Variants in PRKG1 observed in about 807,000 individuals in gnomAD.
PRKG1 encodes cGMP-dependent protein kinase 1.
In PRKG1, 35 loss-of-function variants were observed where a neutral mutation model predicts 88.1. That is an observed-to-expected ratio of 0.40 (90% CI 0.30 to 0.53). PRKG1 has a LOEUF of 0.53. PRKG1 is among the 20% of genes least tolerant of loss of function. The pLI is 0.59. For missense variants in PRKG1, 540 were observed against 839.8 expected, an observed-to-expected ratio of 0.64 and a Z score of 4.41; for synonymous variants, 303 against 292.5, an observed-to-expected ratio of 1.04 and a Z score of -0.37.
intron 5 of PRKG1, among the ~76,000 whole-genome samples, chr10:52,046,387 C>T (rs1229066538): frequency 6.6e-6 from 1 of 152,048 alleles, no homozygotes; most frequent in African/African-American, 2.4e-5. Flanking sequence ...CCTTCTTCCC[C>T]ATCCAGTGAG....
chr10:51,158,086 C>T (rs539590480), intron 2 of PRKG1, among the ~76,000 whole-genome samples: 1 of 151,942 alleles, frequency 6.6e-6, no homozygotes, highest in East Asian at 1.9e-4. Context: ...ACTCATCCTA[C>T]AATCCTACAG....
chr10:51,989,402 G>T (rs1434615268), intron 5 of PRKG1, among the ~76,000 whole-genome samples: 1 of 132,956 alleles, frequency 7.5e-6, no homozygotes, highest in Non-Finnish European at 1.7e-5. Context: ...GACTGGAAGG[G>T]ACGGATGAGG....
At chr10:51,361,572 A>G (rs1276380654) in intron 2 of PRKG1, among the ~76,000 whole-genome samples, 3 of 151,902 alleles carry the variant, frequency 2.0e-5, no homozygotes, top group Admixed American at 6.6e-5. Context: ...TGAAAAATTT[A>G]AGAGGTTTTT....
At chr10:51,781,619 C>G (rs2132563541) in intron 3 of PRKG1, among the ~76,000 whole-genome samples, 1 of 152,178 alleles carries the variant, frequency 6.6e-6, no homozygotes, top group South Asian at 2.1e-4. Context: ...GATATTCAGC[C>G]AAAGCTTTAT....
intron 3 of PRKG1, among the ~76,000 whole-genome samples, chr10:51,481,028 A>G (rs542459498): frequency 1.3e-5 from 2 of 152,290 alleles, no homozygotes; most frequent in South Asian, 4.1e-4. Flanking sequence ...TGTCTGCTGT[A>G]TATGGCATTT....
At chr10:51,609,895 A>G (rs1446180663) in intron 3 of PRKG1, among the ~76,000 whole-genome samples, 2 of 152,134 alleles carry the variant, frequency 1.3e-5, no homozygotes, top group African/African-American at 2.4e-5. Context: ...TGCTGGGCTT[A>G]ATACCTAGGC....
intron 2 of PRKG1, among the ~76,000 whole-genome samples, chr10:51,375,745 T>C (rs1842803458): frequency 7.8e-6 from 1 of 128,584 alleles, no homozygotes; most frequent in African/African-American, 3.1e-5. Flanking sequence ...ATAATATGAG[T>C]GTTGGTGGTG....
intron 3 of PRKG1, among the ~76,000 whole-genome samples, chr10:51,567,953 G>C (rs1385794687): frequency 6.6e-6 from 1 of 152,000 alleles, no homozygotes; most frequent in Non-Finnish European, 1.5e-5. Flanking sequence ...GATGGAGAAA[G>C]GTATTCTGGG....
intron 3 of PRKG1, among the ~76,000 whole-genome samples, chr10:51,778,625 A>T (rs1838504071): frequency 6.6e-6 from 1 of 152,218 alleles, no homozygotes; most frequent in Non-Finnish European, 1.5e-5. Flanking sequence ...GTGGTGAGTG[A>T]TATAAGACTG....
intron 3 of PRKG1, among the ~76,000 whole-genome samples, chr10:51,691,494 T>C (rs1016278418): frequency 6.6e-6 from 1 of 151,884 alleles, no homozygotes; most frequent in Admixed American, 6.6e-5. Flanking sequence ...TTTTGTATAC[T>C]TTATAGAGAC....
chr10:51,374,082 C>CA (rs769407143), intron 2 of PRKG1, among the ~76,000 whole-genome samples: 13,251 of 95,346 alleles, frequency 0.14, 1,564 homozygotes, highest in Non-Finnish European at 0.16. Flanking sequence ...GCAGAGGTTG[C>CA]AAAAAAAAAA....
chr10:51,747,227 A>G (rs938939210), intron 3 of PRKG1, among the ~76,000 whole-genome samples: 1 of 152,194 alleles, frequency 6.6e-6, no homozygotes, highest in Non-Finnish European at 1.5e-5. Context: ...AGTTATTATC[A>G]ACTCAGACTG....
chr10:51,892,472 T>C lies in PRKG1; in HGVS notation c.699-15035T>C, dbSNP rs114879549. ...TAGGCAGCAAGGTTTCAGAAGCACT[T>C]TAAACAGATGGCTTCCCATCATAGG... On this transcript the variant is annotated intron_variant, in intron 4 of 17. Transcript: ENST00000373980. Among the ~76,000 whole-genome samples the C allele has an allele frequency of 8.9e-3, 1,359 of 152,204 alleles. 17 individuals carry two copies. The highest frequency in any genetic ancestry group is 0.025 in the African/African-American group (1,048 of 41,530).
chr10:51,194,056 T>G (rs1406134817), intron 2 of PRKG1, among the ~76,000 whole-genome samples: 1 of 152,148 alleles, frequency 6.6e-6, no homozygotes, highest in African/African-American at 2.4e-5. Context: ...TTCAAATTCA[T>G]TAATTTCAAA....
chr10:51,733,499 C>T (rs1837173478), intron 3 of PRKG1, among the ~76,000 whole-genome samples: 1 of 152,168 alleles, frequency 6.6e-6, no homozygotes, highest in Non-Finnish European at 1.5e-5. Context: ...AATTTATTAT[C>T]TTACACTTTG....
chr10:51,163,880 C>A lies in PRKG1; in HGVS notation c.478+10550C>A, dbSNP rs1214035290. Among the ~76,000 whole-genome samples the A allele has an allele frequency of 2.6e-5, 4 of 152,352 alleles. No homozygotes were observed. The East Asian group carries it at 7.7e-4, about 29-fold the overall frequency. ...CATTGCCCAGGCTCGCTTAGGTAAA[C>A]AAAGCAGCTGGGAAGCTGGAACTGG... On this transcript the variant is annotated intron_variant, in intron 2 of 17. Coordinates refer to ENST00000373980, the MANE Select transcript of PRKG1 (RefSeq NM_006258.4).
At chr10:52,101,637 T>G (rs950638293) in intron 7 of PRKG1, among the ~76,000 whole-genome samples, 1 of 152,168 alleles carries the variant, frequency 6.6e-6, no homozygotes, top group Non-Finnish European at 1.5e-5. Flanking sequence ...TCATTTAGTC[T>G]TCAGACCAAC....
At chr10:51,585,412 G>A (rs1838148580) in intron 3 of PRKG1, among the ~76,000 whole-genome samples, 2 of 152,226 alleles carry the variant, frequency 1.3e-5, no homozygotes, top group Middle Eastern at 6.8e-3. Flanking sequence ...TTCTCAAGGA[G>A]TAACAACTTG....
intron 3 of PRKG1, among the ~76,000 whole-genome samples, chr10:51,673,936 C>G (rs1840645856): frequency 6.6e-6 from 1 of 152,066 alleles, no homozygotes; most frequent in Admixed American, 6.6e-5. Flanking sequence ...ATTTTTCCCC[C>G]TTTGGATAGT....
Sources: allele counts gnomAD v4.1 joint callset (sites outside exome capture counted in the v4.1 genomes callset), GRCh38; gene constraint gnomAD v4.1.1; transcripts MANE v1.5; gene names NCBI Gene and HGNC (gene_info 2026-07-23, HGNC 2026-07-21).